The following OSMR variants were observed in gnomAD, a reference collection of about 807,000 sequenced individuals.
OSMR encodes oncostatin M receptor, also known as oncostatin-M-specific receptor subunit beta.
A neutral mutation model predicts 99.9 loss-of-function variants in OSMR; 81 were observed. The observed-to-expected ratio is 0.81, with a 90% CI of 0.68 to 0.97. The LOEUF (loss-of-function observed/expected upper bound fraction) is 0.97, where lower values mean the gene tolerates loss of function less well. Ranked by LOEUF, OSMR falls within the 50% of genes least tolerant of loss-of-function variation. The probability of loss-of-function intolerance (pLI) is 0.00; values close to 1 mark genes in which losing one functional copy is unlikely to be tolerated. For missense variants in OSMR, 1,099 were observed against 1,153.4 expected (o/e 0.95, Z 0.68); for synonymous variants, 406 against 410.4 (o/e 0.99, Z 0.13).
Position 38,943,056 on chromosome 5 carries a change from G to C in OSMR, c.75-1145G>C, listed in dbSNP as rs114937401. On this transcript the variant is annotated intron_variant and NMD_transcript_variant, in intron 1 of 2. Transcript: ENST00000508882. ...CAAGGTATCACTTACTTTAAAAATAGATTTCCCTACAGATATGGATTAGAT... is the reference window on the plus strand; with the variant it reads ...CAAGGTATCACTTACTTTAAAAATACATTTCCCTACAGATATGGATTAGAT... 21 of 955,304 alleles carry C rather than the reference G, an allele frequency of 2.2e-5. No individual in the cohort carries two copies. In the African/African-American group the frequency reaches 3.1e-4, roughly 14 times the overall value. 59.2% of individuals were successfully genotyped at this position (955,304 alleles called of 1,614,324 possible). A position where few individuals can be genotyped will look rare whatever the true frequency, so the allele number is the denominator to read the frequency against.
chr5:38,905,361 C>T (rs547450035), intron 9 of OSMR, among the ~76,000 whole-genome samples: 28 of 152,164 alleles, frequency 1.8e-4, no homozygotes, highest in Admixed American at 1.1e-3. Flanking sequence ...TGGTGGCACA[C>T]GCCTGTAATC....
rs1744552424 is a variant in OSMR, at chr5:38,896,836, T to G, written c.992-7046T>G. 3.3e-5 allele frequency among the ~76,000 whole-genome samples: 5 copies of G among 152,186 alleles called. No individual in the cohort carries two copies. The South Asian group carries it at 1.0e-3, about 32-fold the overall frequency. On this transcript the variant is annotated intron_variant, in intron 7 of 17. Coordinates refer to ENST00000274276, the MANE Select transcript of OSMR (RefSeq NM_003999.3). ...CATATGTTCCTTCTATACCCGTTTT[T>G]TTTTTAGTGCTTTTATCATGAAAGG...
intron 7 of OSMR, chr5:38,886,439 T>A (rs1743778479): frequency 2.0e-6 from 2 of 1,021,344 alleles, no homozygotes; most frequent in Non-Finnish European, 2.6e-6. Flanking sequence ...ACTCTAACAA[T>A]AACTTCTGTC....
In OSMR at chr5:38,915,431, G is replaced by A. The variant is rs1277464330; in HGVS notation, c.1286-2115G>A. 3.3e-5 allele frequency among the ~76,000 whole-genome samples: 5 copies of A among 152,278 alleles called. 1 individual carries two copies. The South Asian group carries it at 6.2e-4, about 19-fold the overall frequency. On this transcript the variant is annotated intron_variant, in intron 9 of 17. Transcript: ENST00000274276. ...AAACTGAGAGTTGGAAGAAAAGTTG[G>A]AAGAGTTGGAAGAAAAATAATTCAT...
chr5:38,886,803 C>T (rs1176719847), intron 7 of OSMR: 1 of 152,398 alleles, frequency 6.6e-6, no homozygotes, highest in Non-Finnish European at 1.5e-5. Context: ...TTAATATGAA[C>T]ATTTTTATAC....
At chr5:38,900,754 G>T (rs1561382901) in intron 7 of OSMR, among the ~76,000 whole-genome samples, 2 of 141,134 alleles carry the variant, frequency 1.4e-5, no homozygotes, top group Non-Finnish European at 3.1e-5. Context: ...AGATGTCCTT[G>T]TAGAAGTATT....
intron 1 of OSMR, among the ~76,000 whole-genome samples, chr5:38,859,895 T>G (rs1741141525): frequency 6.6e-6 from 1 of 152,226 alleles, no homozygotes; most frequent in African/African-American, 2.4e-5. Flanking sequence ...GTTCTTAGTG[T>G]ATAGAAACAC....
intron 1 of OSMR, among the ~76,000 whole-genome samples, chr5:38,847,402 T>C (rs1163579186): frequency 6.6e-6 from 1 of 152,178 alleles, no homozygotes. Flanking sequence ...AAAGAGGTTT[T>C]GTAACTTTTC....
At chr5:38,923,368 A>C (rs1458317476) in intron 13 of OSMR, 114 bp downstream of exon 13, 5 of 695,152 alleles carry the variant, frequency 7.2e-6, no homozygotes, top group Non-Finnish European at 1.3e-5. Context: ...TTGGTATCCC[A>C]TTTATTCTAG....
rs1389637406 is a variant in OSMR, at chr5:38,935,361, A to C, written c.*1917A>C. On this transcript the variant is annotated 3_prime_UTR_variant, in exon 18 of 18. Transcript: ENST00000274276. ...CAAACCAGTACTTGCCTTTTGCTGG[A>C]AACATTGATTATGTGCTCCTCACGT... is the stretch of plus-strand genomic sequence containing the variant. The C allele has an allele frequency of 6.6e-6, 1 of 152,214 alleles. No individual in the cohort carries two copies. Among genetic ancestry groups the C allele is most frequent in the Non-Finnish European group, 1.5e-5 (1 of 68,048 alleles). The allele number at this position is 152,214 out of a possible 1,614,324, so 9.4% of individuals were successfully genotyped here.
chr5:38,940,451 A>G (rs1747437436), downstream of OSMR: 4 of 232,650 alleles, frequency 1.7e-5, no homozygotes, highest in Non-Finnish European at 3.4e-5. Context: ...TTCTCTGGAA[A>G]GGCAGTTTAG....
intron 2 of OSMR, among the ~76,000 whole-genome samples, chr5:38,870,455 C>T (rs899155485): frequency 1.3e-5 from 2 of 151,900 alleles, no homozygotes; most frequent in African/African-American, 4.8e-5. Flanking sequence ...CCTCAGCCTC[C>T]TGAGTAGCTG....
chr5:38,910,629 A>G (rs1745518306), intron 9 of OSMR, among the ~76,000 whole-genome samples: 1 of 152,224 alleles, frequency 6.6e-6, no homozygotes, highest in South Asian at 2.1e-4. Flanking sequence ...CAATGAAATT[A>G]AGGCAGAAAT....
At chr5:38,930,014 C>A (rs1198983236) in intron 15 of OSMR, among the ~76,000 whole-genome samples, 1 of 152,144 alleles carries the variant, frequency 6.6e-6, no homozygotes, top group African/African-American at 2.4e-5. Flanking sequence ...TCATACTCTC[C>A]CTTACAGCCC....
At chr5:38,879,651 T>G (rs1579688992) in intron 3 of OSMR, among the ~76,000 whole-genome samples, 2 of 134,296 alleles carry the variant, frequency 1.5e-5, no homozygotes. Flanking sequence ...TGAGATGGAG[T>G]CTCACTCTGT....
intron 15 of OSMR, 127 bp downstream of exon 15, chr5:38,925,498 CCTCTTT>C: frequency 1.2e-6 from 1 of 811,418 alleles, no homozygotes; most frequent in Non-Finnish European, 2.1e-6. Context: ...TTCTCACCTC[CCTCTTT>C]CTCTTGATGA....
intron 9 of OSMR, among the ~76,000 whole-genome samples, chr5:38,912,213 A>G (rs534844753): frequency 6.6e-6 from 1 of 152,324 alleles, no homozygotes; most frequent in South Asian, 2.1e-4. Flanking sequence ...GATTAAAAGA[A>G]AAAAGTCAGC....
chr5:38,924,349 T>C, intron 13 of OSMR, 73 bp from the exon 14 acceptor site: 14 of 1,608,804 alleles, frequency 8.7e-6, no homozygotes, highest in Non-Finnish European at 1.2e-5. Flanking sequence ...ATGGTTCTTC[T>C]ATTAGTTGAC....
chr5:38,886,401 G>A, intron 7 of OSMR: 1 of 1,357,102 alleles, frequency 7.4e-7, no homozygotes, highest in Non-Finnish European at 9.5e-7. Context: ...GAGCACCAAT[G>A]AGCTTACTAC....
Sources: gnomAD v4.1 joint callset for allele counts (sites outside exome capture counted in the v4.1 genomes callset) on GRCh38, gnomAD v4.1.1 for gene constraint, MANE v1.5 for transcripts, NCBI Gene and HGNC (gene_info 2026-07-23, HGNC 2026-07-21) for gene names.